NTN1: variants seen among roughly 807,000 people sequenced by gnomAD.
The protein encoded by NTN1 is netrin-1.
In NTN1, 11 loss-of-function variants were observed where a neutral mutation model predicts 54.2. The ratio of observed to expected loss-of-function variants is 0.20; its 90% CI spans 0.13 to 0.34. NTN1 has a LOEUF of 0.34. Ranked by LOEUF, NTN1 falls within the 10% of genes least tolerant of loss-of-function variation. The pLI is 1.00. For missense variants in NTN1, 740 were observed against 893.1 expected, an observed-to-expected ratio of 0.83 and a Z score of 2.18; for synonymous variants, 371 against 382.0, an observed-to-expected ratio of 0.97 and a Z score of 0.33.
At chr17:9,213,965 T>C (rs1905164232) in intron 5 of NTN1, among the ~76,000 whole-genome samples, 1 of 152,204 alleles carries the variant, frequency 6.6e-6, no homozygotes. Context: ...TAAAGTTCCG[T>C]TTTCTTTCTT....
chr17:9,099,179 G>A (rs2092141367), intron 2 of NTN1, among the ~76,000 whole-genome samples: 1 of 152,234 alleles, frequency 6.6e-6, no homozygotes, highest in Non-Finnish European at 1.5e-5. Flanking sequence ...TGAGGCGGGT[G>A]GATCACCTGA....
At chr17:9,159,531 G>C (rs1296684904) in intron 2 of NTN1, among the ~76,000 whole-genome samples, 1 of 152,212 alleles carries the variant, frequency 6.6e-6, no homozygotes, top group Admixed American at 6.5e-5. Context: ...GCTGGGCGCA[G>C]TGGCTCATGT....
At position 9,022,530 on chromosome 17, in the gene NTN1, C is replaced by A. The variant is rs866052515; in HGVS notation, c.157C>A (p.Pro53Thr). 6.4e-7 allele frequency: 1 copy of A among 1,550,758 alleles called. No homozygotes were observed. Among genetic ancestry groups the A allele is most frequent in the East Asian group, 2.4e-5 (1 of 41,434 alleles). The change falls in exon 2 of 7, where the codon CCG becomes ACG. Residue 53 changes from proline to threonine, a missense_variant. Transcript: ENST00000173229. ...DENGHPRRCI[P>T]DFVNAAFGKD... ...GAACGGCCACCCGCGCCGCTGCATC[C>A]CGGACTTTGTCAATGCGGCCTTCGG...
rs199671643 is a variant in NTN1, at chr17:9,179,971, C to T, written c.1357+15C>T. On this transcript the variant is annotated intron_variant, in intron 4 of 6. Coordinates refer to ENST00000173229, the MANE Select transcript of NTN1 (RefSeq NM_004822.3). ...CCCCTGCATAAGTATGTGTGGGGCA[C>T]CCTGCTTTTCAAGTCTCTGGCTTTG... The T allele has an allele frequency of 7.6e-5, 122 of 1,606,032 alleles. No homozygotes were observed. The highest frequency in any genetic ancestry group is 9.6e-5 in the Non-Finnish European group (113 of 1,176,332).
intron 5 of NTN1, among the ~76,000 whole-genome samples, chr17:9,187,754 C>T (rs981180922): frequency 2.0e-5 from 3 of 151,758 alleles, no homozygotes; most frequent in Admixed American, 2.0e-4. Context: ...TAACCTGAGC[C>T]CAGGAGGTTG....
intron 2 of NTN1, among the ~76,000 whole-genome samples, chr17:9,138,124 A>G (rs1043261533): frequency 4.6e-5 from 7 of 152,114 alleles, no homozygotes; most frequent in Admixed American, 3.9e-4. Context: ...TCTTTTTTCC[A>G]GTGAGTGACT....
chr17:9,243,241 TG>T lies in NTN1; in HGVS notation c.*3276del, dbSNP rs1012593089. On this transcript the variant is annotated 3_prime_UTR_variant, in exon 7 of 7. Transcript: ENST00000173229. ...GGCAGCATCCCCAGGGGCCTCTATG[TG>T]GGAGGGAGGGACACCTGGGGTCACA... 6.6e-6 allele frequency: 1 copy of T among 152,030 alleles called. No individual in the cohort carries two copies. Among genetic ancestry groups the T allele is most frequent in the African/African-American group, 2.4e-5 (1 of 41,384 alleles). 9.4% of individuals were successfully genotyped at this position (152,030 alleles called of 1,614,324 possible).
At chr17:9,073,614 C>T (rs2092039811) in intron 2 of NTN1, among the ~76,000 whole-genome samples, 1 of 152,210 alleles carries the variant, frequency 6.6e-6, no homozygotes, top group Admixed American at 6.5e-5. Context: ...CAGGAGTCTC[C>T]TGTATACTTG....
At chr17:9,079,873 G>A (rs1230052443) in intron 2 of NTN1, among the ~76,000 whole-genome samples, 1 of 151,864 alleles carries the variant, frequency 6.6e-6, no homozygotes, top group African/African-American at 2.4e-5. Context: ...GTTCCCCCTG[G>A]GAAGTGGTTC....
chr17:9,118,201 A>C (rs1489376762), intron 2 of NTN1, among the ~76,000 whole-genome samples: 1 of 152,196 alleles, frequency 6.6e-6, no homozygotes, highest in Non-Finnish European at 1.5e-5. Context: ...TATAATCCAC[A>C]TGCCTCATAA....
rs777988577 is a variant in NTN1 at position 9,163,041 on chromosome 17, G to C, written c.1207+40G>C. 20 of 1,543,980 alleles carry C rather than the reference G, an allele frequency of 1.3e-5. No homozygotes were observed. The East Asian group carries it at 4.1e-4, about 31-fold the overall frequency. On this transcript the variant is annotated intron_variant, in intron 3 of 6. Coordinates refer to ENST00000173229, the MANE Select transcript of NTN1 (RefSeq NM_004822.3). ...GCGGGGCGGGGGGCTGGGGAGACCC[G>C]GGGAACATCAGTCCTCCCGCTCCCT...
chr17:9,058,637 CAAAAAAAAAAA>C (rs3053457), intron 2 of NTN1, among the ~76,000 whole-genome samples: 4 of 58,894 alleles, frequency 6.8e-5, no homozygotes, highest in Admixed American at 2.9e-4. Context: ...GGTAGGCACT[CAAAAAAAAAAA>C]AAAAAAAAAA....
At chr17:9,015,487 G>A in the NTN1 span, among the ~76,000 whole-genome samples, 4 of 151,872 alleles carry the variant, frequency 2.6e-5, no homozygotes, top group Admixed American at 2.6e-4. Flanking sequence ...AGGCACCCCC[G>A]GCCACCCCTT....
At chr17:9,086,809 A>G (rs2092091413) in intron 2 of NTN1, among the ~76,000 whole-genome samples, 1 of 152,080 alleles carries the variant, frequency 6.6e-6, no homozygotes, top group Non-Finnish European at 1.5e-5. Flanking sequence ...CACCATCACC[A>G]TCATCACCAT....
chr17:9,181,064 G>A (rs1314938918), intron 4 of NTN1, among the ~76,000 whole-genome samples: 1 of 152,196 alleles, frequency 6.6e-6, no homozygotes, highest in Admixed American at 6.5e-5. Flanking sequence ...CAAATTCCCA[G>A]GTGGAAAAAT....
chr17:9,198,709 CAG>C (rs2142334646), intron 5 of NTN1, among the ~76,000 whole-genome samples: 1 of 152,276 alleles, frequency 6.6e-6, no homozygotes, highest in South Asian at 2.1e-4. Flanking sequence ...TCTAGAAGAC[CAG>C]AGACCAAGGG....
At chr17:9,204,264 CCTT>C (rs1293085447) in intron 5 of NTN1, among the ~76,000 whole-genome samples, 1 of 146,276 alleles carries the variant, frequency 6.8e-6, no homozygotes, top group Non-Finnish European at 1.5e-5. Context: ...CTCTCTCTCT[CCTT>C]CTCTCTCTCT....
rs960998083 is a variant in NTN1, at chr17:9,135,732, G to A, written c.1019-27081G>A. Among the ~76,000 whole-genome samples, 3 of 152,176 alleles carry A rather than the reference G, an allele frequency of 2.0e-5. No individual in the cohort carries two copies. Among genetic ancestry groups the A allele is most frequent in the Non-Finnish European group, 4.4e-5 (3 of 68,036 alleles). ...TCTAGGGCTCCCTGGAGTAGGCCTG[G>A]TGGGGCACTTGTCCTTAGAGCCCTT... On this transcript the variant is annotated intron_variant, in intron 2 of 6. Coordinates refer to ENST00000173229, the MANE Select transcript of NTN1 (RefSeq NM_004822.3). The surrounding 1 kb of genome is among the most constrained non-coding windows in gnomAD (Gnocchi z 4.4).
chr17:9,149,281 C>G (rs183238049), intron 2 of NTN1, among the ~76,000 whole-genome samples: 2 of 149,426 alleles, frequency 1.3e-5, no homozygotes, highest in Admixed American at 6.6e-5. Flanking sequence ...ACACACCCTG[C>G]TGCCACCCCC....
Sources: gnomAD v4.1 joint callset for allele counts (sites outside exome capture counted in the v4.1 genomes callset) on GRCh38, gnomAD v4.1.1 for gene constraint, Gnocchi (gnomAD v3.1) non-coding constraint, MANE v1.5 for transcripts, NCBI Gene and HGNC (gene_info 2026-07-23, HGNC 2026-07-21) for gene names.